Variants in TNS1 observed in about 807,000 individuals in gnomAD.
TNS1 encodes tensin-1.
A neutral mutation model predicts 168.6 loss-of-function variants in TNS1; 62 were observed. The ratio of observed to expected loss-of-function variants is 0.37; its 90% CI spans 0.30 to 0.45. The LOEUF is 0.45. Among genes scored for constraint, TNS1 ranks in the 20% least tolerant of loss-of-function variants. The pLI, the probability that TNS1 is intolerant of heterozygous loss-of-function variation, is 1.00. For synonymous variants in TNS1, 934 were observed against 933.2 expected, an observed-to-expected ratio of 1.00 and a Z score of -0.02; for missense variants, 2,240 against 2,339.4, an observed-to-expected ratio of 0.96 and a Z score of 0.88.
Position 217,900,495 on chromosome 2 carries a change from G to A in TNS1, c.339C>T (p.Thr113=), listed in dbSNP as rs1575009421. The change falls in exon 7 of 33, where the codon ACC becomes ACT. Residue 113 remains threonine (T), a synonymous_variant. Transcript: ENST00000682258. ...SLEDNGSTRV[T]PSVQPHLQPI... ...GCTGGAGGTGGGGCTGGACACTCGG[G>A]GTGACCCTGGTGGAGCCCTGGGAAG... is the stretch of plus-strand genomic sequence containing the variant. 1 of 1,535,420 alleles carries A rather than the reference G, an allele frequency of 6.5e-7. No individual in the cohort carries two copies. Among genetic ancestry groups the A allele is most frequent in the Non-Finnish European group, 8.7e-7 (1 of 1,146,678 alleles).
At chr2:217,985,581 G>A (rs1242721672) in intron 2 of TNS1, 5 of 151,996 alleles carry the variant, frequency 3.3e-5, no homozygotes, top group Admixed American at 2.0e-4. Context: ...ACCATGCCCG[G>A]GTAATTTGGT....
intron 1 of TNS1, among the ~76,000 whole-genome samples, chr2:217,998,693 T>C (rs1423848299): frequency 6.6e-6 from 1 of 152,198 alleles, no homozygotes; most frequent in Non-Finnish European, 1.5e-5. Context: ...ACAGACATGG[T>C]CTTACTATGT....
At chr2:217,953,620 C>T (rs1175424436) in intron 3 of TNS1, among the ~76,000 whole-genome samples, 1 of 152,148 alleles carries the variant, frequency 6.6e-6, no homozygotes, top group Non-Finnish European at 1.5e-5. Context: ...CCTTTGCCCA[C>T]TCCCACCCAC....
intron 23 of TNS1, among the ~76,000 whole-genome samples, chr2:217,819,475 G>T (rs561191502): frequency 1.3e-5 from 2 of 152,318 alleles, no homozygotes; most frequent in South Asian, 4.1e-4. Flanking sequence ...GGAATTTCCT[G>T]CATTGGGAGG....
At chr2:217,882,971 T>C (rs1294476516) in intron 16 of TNS1, among the ~76,000 whole-genome samples, 1 of 152,162 alleles carries the variant, frequency 6.6e-6, no homozygotes, top group Non-Finnish European at 1.5e-5. Context: ...CATTTTTGTA[T>C]TTTTTATAGC....
At chr2:217,858,382 C>A (rs1204302481) in intron 18 of TNS1, 22 of 350,790 alleles carry the variant, frequency 6.3e-5, no homozygotes, top group Non-Finnish European at 8.4e-5. Flanking sequence ...GTGACAGAGC[C>A]TGCCCCTCCA....
intron 11 of TNS1, among the ~76,000 whole-genome samples, chr2:217,892,000 G>T (rs1951791860): frequency 6.6e-6 from 1 of 152,180 alleles, no homozygotes; most frequent in Non-Finnish European, 1.5e-5. Context: ...TAATGTATTT[G>T]TTTATGTGTT....
intron 1 of TNS1, among the ~76,000 whole-genome samples, chr2:218,002,469 A>AGG (rs552097048): frequency 6.6e-6 from 1 of 150,974 alleles, no homozygotes; most frequent in African/African-American, 2.4e-5. Context: ...TCAGCAACTG[A>AGG]GGGGGGGCGG....
intron 1 of TNS1, among the ~76,000 whole-genome samples, chr2:217,996,791 G>T (rs1207622422): frequency 6.6e-6 from 1 of 152,026 alleles, no homozygotes; most frequent in Non-Finnish European, 1.5e-5. Context: ...AGCCTCCCAG[G>T]ATCACAACTA....
upstream of TNS1, among the ~76,000 whole-genome samples, chr2:218,013,729 C>T (rs745612755): frequency 6.6e-6 from 1 of 152,134 alleles, no homozygotes; most frequent in Non-Finnish European, 1.5e-5. Flanking sequence ...GCCACAGAGT[C>T]CAGACTGGCA....
chr2:217,879,969 G>A (rs895573063), intron 18 of TNS1, among the ~76,000 whole-genome samples: 3 of 152,198 alleles, frequency 2.0e-5, no homozygotes, highest in African/African-American at 7.2e-5. Context: ...TAAATCAGGA[G>A]GTTCTGCCTC....
intron 3 of TNS1, among the ~76,000 whole-genome samples, chr2:217,943,037 G>A (rs759199294): frequency 5.9e-5 from 9 of 152,210 alleles, no homozygotes; most frequent in Admixed American, 1.3e-4. Context: ...GCCTGGGAAC[G>A]GGTGGCAGGC....
rs1160525423 is a variant in TNS1, at chr2:218,018,686, G to A, written c.156+15134C>T. On this transcript the variant is annotated intron_variant, in intron 1 of 1. Transcript: ENST00000649572. ...GAGGATGTGAGGCGGGAGCTGGGAA[G>A]CAACTGGGGAACAGGAAGGAGTCTG... Among the ~76,000 whole-genome samples, 7 of 152,236 alleles carry A rather than the reference G, an allele frequency of 4.6e-5. No homozygotes were observed. In the East Asian group the frequency reaches 1.3e-3, roughly 29 times the overall value.
Position 217,817,726 on chromosome 2 carries a change from G to C in TNS1, c.4606C>G (p.His1536Asp). ...TACTTGGAGAAGTCGGGCAGAGTGT[G>C]GGAGAAGGAGACGGTGCTGCCCCCA... ...PSGGSTVSFS[H>D]TLPDFSKYSM... Residue 1536 changes from histidine (H) to aspartate (D), a missense_variant, in exon 24 of 33, where the codon CAC becomes GAC. His to Asp is a moderately conservative substitution (Grantham distance 81, BLOSUM62 -1). Around this residue, in one of 2 missense-constraint regions of TNS1, gnomAD observed 2,131 missense variants for 2,171.2 expected, o/e 0.98. Transcript: ENST00000682258. 1.2e-6 allele frequency: 2 copies of C among 1,607,300 alleles called. No individual in the cohort carries two copies. Among genetic ancestry groups the C allele is most frequent in the Non-Finnish European group, 8.5e-7 (1 of 1,174,838 alleles).
intron 7 of TNS1, among the ~76,000 whole-genome samples, chr2:217,899,946 C>A (rs528113295): frequency 6.6e-6 from 1 of 152,192 alleles, no homozygotes; most frequent in Non-Finnish European, 1.5e-5. Flanking sequence ...CTCTCTGGAT[C>A]GCCAGGACAC....
intron 3 of TNS1, among the ~76,000 whole-genome samples, chr2:217,973,431 C>T (rs1045661224): frequency 2.0e-5 from 3 of 147,236 alleles, no homozygotes; most frequent in Non-Finnish European, 3.0e-5. Context: ...AAATCCTCAA[C>T]AGGAGAGAAA....
At chr2:217,904,744 G>A (rs986934330) in intron 6 of TNS1, among the ~76,000 whole-genome samples, 8 of 152,314 alleles carry the variant, frequency 5.3e-5, no homozygotes, top group South Asian at 2.1e-4. Flanking sequence ...AAAGTTCTTC[G>A]TGACGTCTAA....
At chr2:217,956,041 G>T (rs547980988) in intron 3 of TNS1, among the ~76,000 whole-genome samples, 3 of 152,116 alleles carry the variant, frequency 2.0e-5, no homozygotes, top group Non-Finnish European at 4.4e-5. Flanking sequence ...CCCCCACCAA[G>T]TCCCAGAGTC....
chr2:217,932,748 T>C (rs1271837090), intron 3 of TNS1, among the ~76,000 whole-genome samples: 2 of 152,182 alleles, frequency 1.3e-5, no homozygotes, highest in African/African-American at 4.8e-5. Context: ...CTGTACAATG[T>C]GAGAACTTTC....
Sources: gnomAD v4.1 joint callset for allele counts (sites outside exome capture counted in the v4.1 genomes callset) on GRCh38, gnomAD v4.1.1 for gene constraint, gnomAD v4.1.1 regional missense constraint, MANE v1.5 for transcripts, NCBI Gene and HGNC (gene_info 2026-07-23, HGNC 2026-07-21) for gene names.